Variants in UBE3D observed in about 807,000 individuals in gnomAD.
The protein encoded by UBE3D is ubiquitin protein ligase E3D.
UBE3D carries 48 observed loss-of-function variants against 49.6 expected under a neutral mutation model. The observed-to-expected ratio is 0.97, with a 90% CI of 0.77 to 1.23. UBE3D has a LOEUF of 1.23. Among genes scored for constraint, UBE3D ranks in the 50% most tolerant of loss-of-function variants. The pLI, the probability that UBE3D is intolerant of heterozygous loss-of-function variation, is 0.00. For synonymous variants in UBE3D, 189 were observed against 174.2 expected, an observed-to-expected ratio of 1.08 and a Z score of -0.67; for missense variants, 452 against 468.4, an observed-to-expected ratio of 0.96 and a Z score of 0.32.
chr6:82,920,942 A>ATTT lies in UBE3D; in HGVS notation c.1150-27903_1150-27901dup, dbSNP rs377206246. 2.1e-3 allele frequency among the ~76,000 whole-genome samples: 285 copies of ATTT among 136,770 alleles called. 4 individuals are homozygous for ATTT. Among genetic ancestry groups the ATTT allele is most frequent in the African/African-American group, 7.1e-3 (261 of 36,592 alleles). 89.7% of individuals were successfully genotyped at this position (136,770 alleles called of 152,430 possible). A position where few individuals can be genotyped will look rare whatever the true frequency, so the allele number is the denominator to read the frequency against. On this transcript the variant is annotated intron_variant, in intron 9 of 9. Transcript: ENST00000369747. ...TCAGTATAGAAAACTAAAAATGCTG[A>ATTT]TTTTTTTTTTTTTTTTTTGAGACAG...
intron 9 of UBE3D, among the ~76,000 whole-genome samples, chr6:82,929,111 T>G (rs1044218738): frequency 2.0e-5 from 3 of 152,108 alleles, no homozygotes; most frequent in African/African-American, 7.2e-5. Flanking sequence ...ATAAAAATAA[T>G]AAATCTTTCT....
chr6:82,885,045 G>C, the UBE3D span, among the ~76,000 whole-genome samples: 1 of 152,028 alleles, frequency 6.6e-6, no homozygotes, highest in South Asian at 2.1e-4. Flanking sequence ...ATATCTGTAT[G>C]AAAATGCTTA....
At chr6:82,903,766 G>T (rs1410953075) in intron 9 of UBE3D, among the ~76,000 whole-genome samples, 1 of 152,098 alleles carries the variant, frequency 6.6e-6, no homozygotes, top group Non-Finnish European at 1.5e-5. Flanking sequence ...ATAAAGAGGG[G>T]ATCGCAAAAC....
Position 82,973,192 on chromosome 6 carries a change from T to A in UBE3D, c.1011-15742A>T, listed in dbSNP as rs114877597. On this transcript the variant is annotated intron_variant, in intron 8 of 9. Transcript: ENST00000369747. ...CAAGTTATTTGGCATAGAGAAAAAT[T>A]CATTTCTAGCAACTTGGATTTGATT... Among the ~76,000 whole-genome samples, 483 of 152,298 alleles carry A rather than the reference T, an allele frequency of 3.2e-3. 1 individual carries two copies. Among genetic ancestry groups the A allele is most frequent in the African/African-American group, 0.011 (457 of 41,570 alleles).
At chr6:83,009,665 T>C (rs904252954) in intron 8 of UBE3D, among the ~76,000 whole-genome samples, 1 of 119,738 alleles carries the variant, frequency 8.4e-6, no homozygotes, top group African/African-American at 3.0e-5. Flanking sequence ...AGAGAAAATT[T>C]TGAGTGAGCG....
At chr6:82,923,298 T>C (rs923479883) in intron 9 of UBE3D, among the ~76,000 whole-genome samples, 1 of 152,160 alleles carries the variant, frequency 6.6e-6, no homozygotes, top group Admixed American at 6.5e-5. Context: ...AGCAAAGACT[T>C]GGAACCAACC....
At chr6:82,894,671 G>A (rs2127711333) in intron 9 of UBE3D, among the ~76,000 whole-genome samples, 1 of 152,236 alleles carries the variant, frequency 6.6e-6, no homozygotes, top group Non-Finnish European at 1.5e-5. Context: ...TCTCTCAGCT[G>A]ACAAGAGATA....
At chr6:83,004,530 G>A (rs1779842585) in intron 8 of UBE3D, among the ~76,000 whole-genome samples, 1 of 152,186 alleles carries the variant, frequency 6.6e-6, no homozygotes, top group South Asian at 2.1e-4. Context: ...CAATTGGGAT[G>A]CACTGACAAT....
rs547385287 is a variant in UBE3D, at chr6:82,933,819, C to T, written c.1149+23493G>A. 3.9e-5 allele frequency among the ~76,000 whole-genome samples: 6 copies of T among 152,286 alleles called. No individual in the cohort carries two copies. The South Asian group carries it at 6.2e-4, about 16-fold the overall frequency. ...AAAATGAGAGAATTCCAACTAATAG[C>T]TATACTCAGAAAACAAGCTAAGCAC... is the stretch of plus-strand genomic sequence containing the variant. On this transcript the variant is annotated intron_variant, in intron 9 of 9. Transcript: ENST00000369747.
chr6:82,885,697 T>G, the UBE3D span, among the ~76,000 whole-genome samples: 1 of 152,196 alleles, frequency 6.6e-6, no homozygotes, highest in African/African-American at 2.4e-5. Context: ...TTGTTGTGCC[T>G]GAGCACTGAG....
At position 82,893,027 on chromosome 6, in the gene UBE3D, T is replaced by C. The variant is rs774121838; in HGVS notation, c.1165A>G (p.Met389Val). Residue 389 changes from methionine (M) to valine (V), a missense_variant, in exon 10 of 10, where the codon ATG becomes GTG. Met to Val is a conservative substitution (Grantham distance 21, BLOSUM62 1). Transcript: ENST00000369747. ...VNSFQVAFLK[M>V] is the part of the protein sequence containing the mutation. Reference sequence around the variant, plus strand: ...AGAATGCCCAGCTCTAATAGTTACATCTTCAAAAAGGCCACCTGGAGAAGG... The same window carrying C: ...AGAATGCCCAGCTCTAATAGTTACACCTTCAAAAAGGCCACCTGGAGAAGG... 12 of 1,613,606 alleles carry C rather than the reference T, an allele frequency of 7.4e-6. No homozygotes were observed.
At chr6:83,042,456 T>C (rs1331369620) in intron 4 of UBE3D, among the ~76,000 whole-genome samples, 1 of 152,240 alleles carries the variant, frequency 6.6e-6, no homozygotes, top group Non-Finnish European at 1.5e-5. Flanking sequence ...TTATAGCACA[T>C]AAATTTCATT....
At chr6:82,952,968 C>T (rs1043480296) in intron 9 of UBE3D, among the ~76,000 whole-genome samples, 1 of 152,196 alleles carries the variant, frequency 6.6e-6, no homozygotes, top group Non-Finnish European at 1.5e-5. Flanking sequence ...TTGCCCAGTC[C>T]TGGTTCCAAC....
intron 8 of UBE3D, among the ~76,000 whole-genome samples, chr6:82,961,607 T>C (rs950238278): frequency 3.9e-5 from 6 of 152,226 alleles, no homozygotes; most frequent in Admixed American, 1.3e-4. Context: ...TATTATCCTC[T>C]CCAAGCAAAC....
At chr6:82,887,400 T>G (rs796682471), downstream of UBE3D, among the ~76,000 whole-genome samples, 31 of 76,286 alleles carry the variant, frequency 4.1e-4, no homozygotes, top group African/African-American at 7.9e-4. Context: ...TTTTTTTTTT[T>G]TTTTTTTTTT....
At chr6:82,916,562 T>C (rs567831859) in intron 9 of UBE3D, among the ~76,000 whole-genome samples, 3 of 152,302 alleles carry the variant, frequency 2.0e-5, no homozygotes, top group South Asian at 2.1e-4. Context: ...AAATATTGAG[T>C]TGAACTTGAG....
chr6:83,008,877 C>G (rs536918898), intron 8 of UBE3D, among the ~76,000 whole-genome samples: 26 of 152,114 alleles, frequency 1.7e-4, no homozygotes, highest in Non-Finnish European at 3.4e-4. Context: ...AGTCAAACAA[C>G]AGCAGGAGGA....
intron 9 of UBE3D, among the ~76,000 whole-genome samples, chr6:82,894,744 A>T (rs1771186861): frequency 6.6e-6 from 1 of 152,168 alleles, no homozygotes; most frequent in Non-Finnish European, 1.5e-5. Flanking sequence ...TAATAGACAG[A>T]GGAAGGAAGA....
At chr6:83,008,923 A>C (rs1390139390) in intron 8 of UBE3D, among the ~76,000 whole-genome samples, 1 of 152,234 alleles carries the variant, frequency 6.6e-6, no homozygotes, top group Non-Finnish European at 1.5e-5. Context: ...CAACAGGCAA[A>C]CTAAAGTAAC....
Sources: allele counts gnomAD v4.1 joint callset (sites outside exome capture counted in the v4.1 genomes callset), GRCh38; gene constraint gnomAD v4.1.1; transcripts MANE v1.5; gene names NCBI Gene and HGNC (gene_info 2026-07-23, HGNC 2026-07-21).